The following ANKS3 variants were observed in gnomAD, a reference collection of about 807,000 sequenced individuals.
ANKS3 encodes the protein ankyrin repeat and SAM domain-containing protein 3.
In ANKS3, 62 loss-of-function variants were observed where a neutral mutation model predicts 80.7. The ratio of observed to expected loss-of-function variants is 0.77; its 90% CI spans 0.63 to 0.95. The LOEUF (loss-of-function observed/expected upper bound fraction) is 0.95, where lower values mean the gene tolerates loss of function less well. ANKS3 is among the 40% of genes least tolerant of loss of function. ANKS3 has a pLI of 0.00. For missense variants in ANKS3, 1,150 were observed against 883.6 expected (o/e 1.30, Z -3.82); for synonymous variants, 489 against 355.3 (o/e 1.38, Z -4.23).
chr16:4,709,844 C>G lies in ANKS3; in HGVS notation c.709+4207G>C, dbSNP rs139684058. 1.6e-3 allele frequency among the ~76,000 whole-genome samples: 249 copies of G among 152,186 alleles called. 1 individual carries two copies. The highest frequency in any genetic ancestry group is 5.3e-3 in the African/African-American group (220 of 41,520). On this transcript the variant is annotated intron_variant, in intron 7 of 17. Transcript: ENST00000304283. ...TGGTCAGTATAGCAAGACCCCGTCT[C>G]TACAAAAAAATAAAACATTAGCCAG...
In ANKS3 at chr16:4,724,804, C is replaced by T; in HGVS notation, c.519G>A (p.Leu173=). Residue 173 remains leucine (L), a synonymous_variant, in exon 6 of 18, where the codon TTG becomes TTA. Transcript: ENST00000304283. Reference sequence around the variant, plus strand: ...CATGGCCAGCAGCAGCTGCTTCCATCAAGGGAGTAAATCCACATATCGGCT... The same window carrying T: ...CATGGCCAGCAGCAGCTGCTTCCATTAAGGGAGTAAATCCACATATCGGCT... ...VREPICGFTP[L]MEAAAAGHEI... is the part of the protein sequence containing the mutation. The T allele has an allele frequency of 6.2e-7, 1 of 1,614,168 alleles. No homozygotes were observed. The highest frequency in any genetic ancestry group is 1.1e-5 in the South Asian group (1 of 91,064).
chr16:4,729,814 G>C, intron 3 of ANKS3, 166 bp downstream of exon 3: 1 of 654,878 alleles, frequency 1.5e-6, no homozygotes, highest in Non-Finnish European at 2.3e-6. Context: ...CGGCCTCTTT[G>C]TCAGGGCTCA....
intron 8 of ANKS3, among the ~76,000 whole-genome samples, chr16:4,703,176 C>G (rs748528653): frequency 6.6e-6 from 1 of 152,160 alleles, no homozygotes; most frequent in Non-Finnish European, 1.5e-5. Flanking sequence ...GCAATGGCAC[C>G]ATCATGGGTC....
chr16:4,713,249 C>T (rs181357264), intron 7 of ANKS3, among the ~76,000 whole-genome samples: 8 of 151,964 alleles, frequency 5.3e-5, no homozygotes, highest in Non-Finnish European at 5.9e-5. Flanking sequence ...GCCTGAGCAA[C>T]AAGAGCGAAA....
At chr16:4,727,415 C>A (rs968835880) in intron 3 of ANKS3, 5 of 576,898 alleles carry the variant, frequency 8.7e-6, no homozygotes, top group Non-Finnish European at 1.6e-5. Context: ...TCCTCCTAGC[C>A]CAAGGCCAGC....
Position 4,696,841 on chromosome 16 carries a change from C to T in ANKS3, c.*67G>A, listed in dbSNP as rs932063414. 1.5e-6 allele frequency: 1 copy of T among 656,236 alleles called. No homozygotes were observed. The allele number at this position is 656,236 out of a possible 1,614,324, so 40.7% of individuals were successfully genotyped here. ...CACATGGCAGCTACCTGCTCACTGT[C>T]CTCCTCACTCCCTGGCACACAGCTT... On this transcript the variant is annotated 3_prime_UTR_variant, in exon 18 of 18. Transcript: ENST00000304283.
At chr16:4,724,923 G>C (rs936442933) in intron 5 of ANKS3, 92 bp from the exon 6 acceptor site, 25 of 1,067,120 alleles carry the variant, frequency 2.3e-5, no homozygotes, top group Non-Finnish European at 3.4e-5. Flanking sequence ...AGCAGTGCAC[G>C]AGTCACCGAT....
intron 9 of ANKS3, 73 bp downstream of exon 9, chr16:4,702,027 GAT>G: frequency 6.8e-7 from 1 of 1,475,022 alleles, no homozygotes; most frequent in Non-Finnish European, 9.0e-7. Context: ...AGGCCCAGGG[GAT>G]AAGTGGGGAT....
chr16:4,703,325 G>C (rs1332467033), intron 8 of ANKS3, among the ~76,000 whole-genome samples: 4 of 152,030 alleles, frequency 2.6e-5, no homozygotes, highest in Non-Finnish European at 1.5e-5. Flanking sequence ...CATTGCCCAG[G>C]CTGGTCTCAC....
chr16:4,701,176 C>CT (rs1337389721), intron 10 of ANKS3, 42 bp from the exon 11 acceptor site: 1 of 1,610,248 alleles, frequency 6.2e-7, no homozygotes. Context: ...CGCGGGCTAA[C>CT]TTGAGAGCCT....
At position 4,699,122 on chromosome 16, in the gene ANKS3, C is replaced by G. The variant is rs2079757916; in HGVS notation, c.1339G>C (p.Glu447Gln). Reference protein sequence around the residue: ...IGCLKYLQVFEEQDVDLRIFL... With the variant: ...IGCLKYLQVFQEQDVDLRIFL... ...ATGCGGAGGTCCACGTCCTGCTCCT[C>G]AAACACCTGCAGGTACTTCAGACAC... The change falls in exon 12 of 18, where the codon GAG (glutamate) becomes CAG (glutamine). Residue 447 changes from glutamate to glutamine, a missense_variant. Coordinates refer to ENST00000304283, the MANE Select transcript of ANKS3 (RefSeq NM_133450.4). 1 of 1,614,174 alleles carries G rather than the reference C, an allele frequency of 6.2e-7. No individual in the cohort carries two copies. The highest frequency in any genetic ancestry group is 8.5e-7 in the Non-Finnish European group (1 of 1,180,034).
intron 7 of ANKS3, among the ~76,000 whole-genome samples, chr16:4,708,869 G>A (rs996104052): frequency 2.4e-4 from 36 of 151,860 alleles, no homozygotes; most frequent in African/African-American, 7.7e-4. Context: ...AACCTGGGAG[G>A]CGGGGGTTGC....
At chr16:4,728,639 C>T (rs1286673356) in intron 3 of ANKS3, among the ~76,000 whole-genome samples, 3 of 152,136 alleles carry the variant, frequency 2.0e-5, no homozygotes, top group Non-Finnish European at 4.4e-5. Flanking sequence ...CCCTCAGGCC[C>T]CATCCTGTGC....
chr16:4,705,661 G>A (rs1227066829), intron 7 of ANKS3, among the ~76,000 whole-genome samples: 2 of 151,860 alleles, frequency 1.3e-5, no homozygotes, highest in Non-Finnish European at 2.9e-5. Context: ...GTAGACACAG[G>A]CTTTTGCCAT....
Position 4,734,111 on chromosome 16 carries a change from T to A in ANKS3, c.-244A>T, listed in dbSNP as rs1471485817. The A allele has an allele frequency of 2.4e-6, 2 of 850,226 alleles. No individual in the cohort carries two copies. Among genetic ancestry groups the A allele is most frequent in the African/African-American group, 3.7e-5 (2 of 54,618 alleles). The allele number at this position is 850,226 out of a possible 1,614,324, so 52.7% of individuals were successfully genotyped here. On this transcript the variant is annotated 5_prime_UTR_variant, in exon 1 of 18. Transcript: ENST00000304283. ...GCCCGAGCGCCGGGTCTAGGCGGGC[T>A]GCAGGTGCCGGCAAGTGCTGGGGCC... is the stretch of plus-strand genomic sequence containing the variant.
At chr16:4,726,916 A>T in intron 4 of ANKS3, 63 bp downstream of exon 4, 1 of 1,608,574 alleles carries the variant, frequency 6.2e-7, no homozygotes, top group Admixed American at 1.7e-5. Context: ...AGTGGTTCGC[A>T]TCTCTGTCAG....
At chr16:4,730,320 G>C (rs913216075) in intron 2 of ANKS3, 169 bp from the exon 3 acceptor site, 1 of 562,956 alleles carries the variant, frequency 1.8e-6, no homozygotes, top group African/African-American at 1.9e-5. Flanking sequence ...TGTATGCTTT[G>C]GGCAGTCCCA....
intron 8 of ANKS3, among the ~76,000 whole-genome samples, chr16:4,702,687 G>A (rs939228798): frequency 1.2e-4 from 18 of 152,120 alleles, no homozygotes; most frequent in Middle Eastern, 6.8e-3. Context: ...CAACCCCGGC[G>A]AAAAAGAGAC....
chr16:4,700,661 G>C (rs1010950131), intron 11 of ANKS3: 1 of 467,948 alleles, frequency 2.1e-6, no homozygotes. Context: ...ACCACATCTT[G>C]TCAGACTCCT....
Sources: gnomAD v4.1 joint callset for allele counts (sites outside exome capture counted in the v4.1 genomes callset) on GRCh38, gnomAD v4.1.1 for gene constraint, MANE v1.5 for transcripts, NCBI Gene and HGNC (gene_info 2026-07-23, HGNC 2026-07-21) for gene names.